The following TJP3 variants were observed in gnomAD, a reference collection of about 807,000 sequenced individuals.
TJP3 encodes the protein tight junction protein ZO-3.
A neutral mutation model predicts 104.2 loss-of-function variants in TJP3; 85 were observed. The observed-to-expected ratio is 0.82, with a 90% confidence interval of 0.68 to 0.98. TJP3 has a LOEUF of 0.98. Ranked by LOEUF, TJP3 falls within the 50% of genes least tolerant of loss-of-function variation. The pLI is 0.00. For missense variants in TJP3, 1,367 were observed against 1,322.8 expected (o/e 1.03, Z -0.52); for synonymous variants, 550 against 550.6 (o/e 1.00, Z 0.02).
intron 1 of TJP3, among the ~76,000 whole-genome samples, chr19:3,722,675 G>A (rs2036552905): frequency 6.6e-6 from 1 of 151,924 alleles, no homozygotes; most frequent in African/African-American, 2.4e-5. Context: ...AGGGTAGACT[G>A]GGACTGCAGC....
At chr19:3,750,099 G>T (rs755105310) in intron 19 of TJP3, 39 bp from the exon 20 acceptor site, 23 of 1,613,140 alleles carry the variant, frequency 1.4e-5, no homozygotes, top group Non-Finnish European at 1.7e-5. Flanking sequence ...ACCATGCTCT[G>T]GGGGGAGTTT....
At position 3,734,317 on chromosome 19, in the gene TJP3, C is replaced by T. The variant is rs1267605310; in HGVS notation, c.878-10C>T. The T allele has an allele frequency of 2.5e-6, 4 of 1,612,526 alleles. No individual in the cohort carries two copies. Among genetic ancestry groups the T allele is most frequent in the Non-Finnish European group, 3.4e-6 (4 of 1,179,024 alleles). On this transcript the variant is annotated splice_polypyrimidine_tract_variant and intron_variant, in intron 7 of 20. Transcript: ENST00000541714. The stretch of plus-strand genomic sequence containing the variant: ...GACCATGGCTGATGAGATGTCCTCT[C>T]CCCCTGCAGACATCTCGGACCTCGC...
Position 3,740,547 on chromosome 19 carries a change from C to T in TJP3, c.1632-5C>T, listed in dbSNP as rs1486448331. On this transcript the variant is annotated splice_region_variant and splice_polypyrimidine_tract_variant and intron_variant, in intron 13 of 20. Coordinates refer to ENST00000541714, the MANE Select transcript of TJP3 (RefSeq NM_001267560.2). ...GTGCTCAGTACTGTCCCCTCTTCTC[C>T]CCAGGGCGGAGCAGCTGGCCAGCCT... 2.1e-6 allele frequency: 3 copies of T among 1,460,432 alleles called. 1 individual carries two copies. The African/African-American group carries it at 4.3e-5, about 21-fold the overall frequency. The allele number at this position is 1,460,432 out of a possible 1,614,324, so 90.5% of individuals were successfully genotyped here.
chr19:3,735,757 G>A, intron 9 of TJP3, 112 bp from the exon 10 acceptor site: 1 of 1,580,034 alleles, frequency 6.3e-7, no homozygotes, highest in South Asian at 1.1e-5. Flanking sequence ...ATGGTTTCCT[G>A]AGAAGGACTC....
chr19:3,733,788 C>G lies in TJP3; in HGVS notation c.753C>G (p.Asn251Lys). ...NGVSSQNLSL[N>K]DTRRLIEKSE... ...TGTCTAGCCAGAACCTGTCACTGAA[C>G]GACACCCGGCGACTGATTGAGAAGT... Residue 251 changes from asparagine (N) to lysine (K), a missense_variant, in exon 7 of 21, where the codon AAC (asparagine) becomes AAG (lysine). By Grantham distance (94) the Asn-to-Lys change is moderately conservative. Transcript: ENST00000541714. 1 of 1,614,200 alleles carries G rather than the reference C, an allele frequency of 6.2e-7. No individual in the cohort carries two copies. Among genetic ancestry groups the G allele is most frequent in the Non-Finnish European group, 8.5e-7 (1 of 1,180,028 alleles).
At chr19:3,711,768 G>A (rs12462417) in intron 1 of TJP3, among the ~76,000 whole-genome samples, 101,067 of 141,228 alleles carry the variant, frequency 0.72, 36,853 homozygotes, top group East Asian at 1. Context: ...TTATGTGTCT[G>A]CTTAATTCAT....
rs544121034 is a variant in TJP3, at chr19:3,743,416, A to ATACT, written c.1844-521_1844-518dup. On this transcript the variant is annotated intron_variant, in intron 14 of 20. Coordinates refer to ENST00000541714, the MANE Select transcript of TJP3 (RefSeq NM_001267560.2). ...TGTATCTGGTAGGCCAGGTGTCAAC[A>ATACT]TACTTTTCCTGCAAAGGATCACATA... Among the ~76,000 whole-genome samples the ATACT allele has an allele frequency of 9.8e-5, 15 of 152,344 alleles. 1 individual carries two copies. In the South Asian group the frequency reaches 3.1e-3, roughly 32 times the overall value.
chr19:3,725,524 T>G (rs909860661), intron 1 of TJP3, among the ~76,000 whole-genome samples: 10 of 151,982 alleles, frequency 6.6e-5, no homozygotes, highest in South Asian at 2.1e-4. Context: ...AAACCCCGTC[T>G]CTACTAAAAA....
At chr19:3,710,850 G>A (rs936154250) in intron 1 of TJP3, among the ~76,000 whole-genome samples, 2 of 152,172 alleles carry the variant, frequency 1.3e-5, no homozygotes. Context: ...CAGTAATGGA[G>A]CCAATGGCTG....
In TJP3 at chr19:3,728,691, G is replaced by T. The variant is rs1224652629; in HGVS notation, c.136G>T (p.Gly46Trp). 6.2e-7 allele frequency: 1 copy of T among 1,613,718 alleles called. No homozygotes were observed. The highest frequency in any genetic ancestry group is 1.7e-5 in the Admixed American group (1 of 60,004). Residue 46 changes from glycine to tryptophan, a missense_variant, in exon 3 of 21, where the codon GGG (glycine) becomes TGG (tryptophan). Physicochemically the swap from Gly to Trp is radical, Grantham distance 184. Coordinates refer to ENST00000541714, the MANE Select transcript of TJP3 (RefSeq NM_001267560.2). ...GGTTGTATCTGACGTGGTACCTGGA[G>T]GGCCGGCGGAGGGCAGGCTACAGTG... The part of the protein sequence containing the change: ...SMVVSDVVPG[G>W]PAEGRLQTGD...
chr19:3,716,966 CTTTTT>C, intron 1 of TJP3, among the ~76,000 whole-genome samples: 1 of 115,348 alleles, frequency 8.7e-6, no homozygotes, highest in East Asian at 2.5e-4. Context: ...GCCCAGGTGA[CTTTTT>C]TTTTTTTTTT....
intron 1 of TJP3, among the ~76,000 whole-genome samples, chr19:3,716,694 T>A (rs1397362545): frequency 6.9e-6 from 1 of 143,886 alleles, no homozygotes; most frequent in African/African-American, 2.5e-5. Flanking sequence ...GGCAAGATCA[T>A]GGATCACTGC....
At chr19:3,714,209 C>T (rs1346020452) in intron 1 of TJP3, among the ~76,000 whole-genome samples, 14 of 151,940 alleles carry the variant, frequency 9.2e-5, no homozygotes, top group Admixed American at 9.2e-4. Flanking sequence ...GCCGCCACAC[C>T]CGGCTAATTT....
rs770546406 is a variant in TJP3 at position 3,749,200 on chromosome 19, G to A, written c.2611-938G>A. 2.6e-4 allele frequency among the ~76,000 whole-genome samples: 40 copies of A among 152,070 alleles called. 1 individual carries two copies. The highest frequency in any genetic ancestry group is 1.3e-4 in the Admixed American group (2 of 15,262). ...AACATTTTAACCTCTCTGTGCACCTGTTTCCTCATCTAGGACACAGGGTGG... is the reference window on the plus strand; with the variant it reads ...AACATTTTAACCTCTCTGTGCACCTATTTCCTCATCTAGGACACAGGGTGG... On this transcript the variant is annotated intron_variant, in intron 19 of 20. Transcript: ENST00000541714.
chr19:3,711,994 T>G lies in TJP3; in HGVS notation c.-10+3433T>G, dbSNP rs148461092. The stretch of plus-strand genomic sequence containing the variant: ...AGCCACCGACCCGGCCTCAGCATTC[T>G]TGATTGCCTGTGTGTGTGTGTTCTT... On this transcript the variant is annotated intron_variant, in intron 1 of 20. Transcript: ENST00000541714. Among the ~76,000 whole-genome samples, 627 of 151,602 alleles carry G rather than the reference T, an allele frequency of 4.1e-3. 7 individuals are homozygous for G. Among genetic ancestry groups the G allele is most frequent in the African/African-American group, 0.014 (597 of 41,394 alleles).
At chr19:3,734,558 C>T (rs2145688437) in intron 8 of TJP3, 123 bp downstream of exon 8, 1 of 855,158 alleles carries the variant, frequency 1.2e-6, no homozygotes. Flanking sequence ...GTATTTCTAG[C>T]ATGTGCCTCA....
At chr19:3,710,229 G>T (rs1056958401) in intron 1 of TJP3, among the ~76,000 whole-genome samples, 1 of 151,900 alleles carries the variant, frequency 6.6e-6, no homozygotes, top group South Asian at 2.1e-4. Context: ...GTAATAAAGC[G>T]GGTAACAGAT....
chr19:3,709,784 C>G (rs1220876389), intron 1 of TJP3, among the ~76,000 whole-genome samples: 1 of 152,084 alleles, frequency 6.6e-6, no homozygotes, highest in Non-Finnish European at 1.5e-5. Flanking sequence ...TGAGAGCAAA[C>G]CCGTGGACTC....
chr19:3,731,797 C>A (rs370625103), intron 5 of TJP3, 138 bp from the exon 6 acceptor site: 1 of 612,086 alleles, frequency 1.6e-6, no homozygotes, highest in East Asian at 2.9e-5. Flanking sequence ...GTCCTACGGG[C>A]GACATCACTG....
Sources: allele counts gnomAD v4.1 joint callset (sites outside exome capture counted in the v4.1 genomes callset), GRCh38; gene constraint gnomAD v4.1.1; transcripts MANE v1.5; gene names NCBI Gene and HGNC (gene_info 2026-07-23, HGNC 2026-07-21).